The following RRP1 variants were observed in gnomAD, a reference collection of about 807,000 sequenced individuals.
RRP1 encodes the protein ribosomal RNA processing protein 1 homolog A.
A neutral mutation model predicts 54.6 loss-of-function variants in RRP1; 37 were observed. The ratio of observed to expected loss-of-function variants is 0.68; its 90% CI spans 0.52 to 0.89. The LOEUF (loss-of-function observed/expected upper bound fraction) is 0.89. Among genes scored for constraint, RRP1 ranks in the 40% least tolerant of loss-of-function variants. The pLI is 0.00. For missense variants in RRP1, 639 were observed against 612.5 expected (o/e 1.04, Z -0.46); for synonymous variants, 262 against 244.3 (o/e 1.07, Z -0.67).
chr21:43,798,309 C>G (rs2085045653), intron 8 of RRP1, among the ~76,000 whole-genome samples: 2 of 152,166 alleles, frequency 1.3e-5, no homozygotes, highest in Non-Finnish European at 2.9e-5. Context: ...CTGATGTGCT[C>G]CACGCCCTCT....
At chr21:43,790,123 T>A (rs905686982) in intron 1 of RRP1, among the ~76,000 whole-genome samples, 1 of 152,218 alleles carries the variant, frequency 6.6e-6, no homozygotes, top group African/African-American at 2.4e-5. Flanking sequence ...CAGTTTTCTG[T>A]TTTGCGTTAA....
At chr21:43,791,756 G>A (rs1048527861) in intron 2 of RRP1, among the ~76,000 whole-genome samples, 6 of 152,026 alleles carry the variant, frequency 3.9e-5, no homozygotes, top group Non-Finnish European at 7.4e-5. Context: ...CTCCCATCTC[G>A]GCCTCCCAAA....
At position 43,797,484 on chromosome 21, in the gene RRP1, C is replaced by A; in HGVS notation, c.485C>A (p.Pro162His). The A allele has an allele frequency of 6.2e-7, 1 of 1,613,944 alleles. No homozygotes were observed. The highest frequency in any genetic ancestry group is 8.5e-7 in the Non-Finnish European group (1 of 1,180,016). Residue 162 changes from proline (P) to histidine (H), a missense_variant, in exon 6 of 13, where the codon CCC (proline) becomes CAC (histidine). Coordinates refer to ENST00000497547, the MANE Select transcript of RRP1 (RefSeq NM_003683.6). ...TEILHPSSQA[P>H]NGVKSHFIEI... Reference sequence around the variant, plus strand: ...ATCCTGCACCCCAGCAGCCAGGCCCCCAACGGTGTGAAGAGCCACTTCATC... The same window carrying A: ...ATCCTGCACCCCAGCAGCCAGGCCCACAACGGTGTGAAGAGCCACTTCATC...
chr21:43,796,135 GT>G (rs955861028), intron 5 of RRP1, among the ~76,000 whole-genome samples: 43 of 144,514 alleles, frequency 3.0e-4, no homozygotes, highest in Admixed American at 5.5e-4. Flanking sequence ...CTGGTTTTTT[GT>G]TTTTTTTTTT....
At position 43,803,622 on chromosome 21, in the gene RRP1, A is replaced by G. The variant is rs749405960; in HGVS notation, c.1234A>G (p.Thr412Ala). The G allele has an allele frequency of 2.6e-6, 4 of 1,551,070 alleles. No individual in the cohort carries two copies. Among genetic ancestry groups the G allele is most frequent in the Non-Finnish European group, 3.5e-6 (4 of 1,147,816 alleles). ...GGCAGAGGCTGGTGAGCAGCCAGGC[A>G]CAGCTGAGCGGGCCCTGCTCCGAGA... is the stretch of plus-strand genomic sequence containing the variant. The part of the protein sequence containing the change: ...ARAEAGEQPG[T>A]AERALLRDQP... The change falls in exon 13 of 13, where the codon ACA becomes GCA. Residue 412 changes from threonine to alanine, a missense_variant. Physicochemically the swap from Thr to Ala is moderately conservative, Grantham distance 58. Coordinates refer to ENST00000497547, the MANE Select transcript of RRP1 (RefSeq NM_003683.6).
chr21:43,798,954 C>T (rs2085053658), intron 8 of RRP1, among the ~76,000 whole-genome samples: 1 of 151,502 alleles, frequency 6.6e-6, no homozygotes, highest in Admixed American at 6.6e-5. Flanking sequence ...ATGCTTCTCC[C>T]TGGTCTCTGC....
rs369010362 is a variant in RRP1, at chr21:43,796,777, G to A, written c.423-645G>A. Among the ~76,000 whole-genome samples, 7 of 152,302 alleles carry A rather than the reference G, an allele frequency of 4.6e-5. No individual in the cohort carries two copies. The South Asian group carries it at 6.2e-4, about 14-fold the overall frequency. ...TTACAGATCTGAGTTAGGCAGCTGC[G>A]TTATTAAGCACCCCAGGAGGTCCAG... On this transcript the variant is annotated intron_variant, in intron 5 of 12. Coordinates refer to ENST00000497547, the MANE Select transcript of RRP1 (RefSeq NM_003683.6).
At chr21:43,801,418 T>TCA (rs2085089410) in intron 11 of RRP1, among the ~76,000 whole-genome samples, 1 of 152,238 alleles carries the variant, frequency 6.6e-6, no homozygotes, top group Non-Finnish European at 1.5e-5. Context: ...TATCCCAGCA[T>TCA]CACACCCCTG....
In RRP1 at chr21:43,802,090, G is replaced by T. The variant is rs1383334166; in HGVS notation, c.1010-184G>T. ...AACTGGCTTTTCCAGATGGGCTTGG[G>T]TCTCAGCTGGTTCGTTTCAGCTGTG... is the stretch of plus-strand genomic sequence containing the variant. On this transcript the variant is annotated intron_variant, in intron 11 of 12. Coordinates refer to ENST00000497547, the MANE Select transcript of RRP1 (RefSeq NM_003683.6). 2.0e-5 allele frequency among the ~76,000 whole-genome samples: 3 copies of T among 152,154 alleles called. No homozygotes were observed. In the East Asian group the frequency reaches 5.8e-4, roughly 29 times the overall value.
intron 2 of RRP1, 41 bp downstream of exon 2, chr21:43,791,473 G>T: frequency 6.3e-7 from 1 of 1,581,934 alleles, no homozygotes; most frequent in Non-Finnish European, 8.7e-7. Context: ...GAAGCAGCGG[G>T]GGAGGATGGA....
chr21:43,791,493 G>A, intron 2 of RRP1, 61 bp downstream of exon 2: 2 of 1,480,542 alleles, frequency 1.4e-6, no homozygotes, highest in South Asian at 2.3e-5. Flanking sequence ...ATGGGCATCT[G>A]GTCAACCCAG....
intron 12 of RRP1, among the ~76,000 whole-genome samples, chr21:43,802,826 C>T (rs1046880382): frequency 7.9e-5 from 12 of 152,270 alleles, no homozygotes; most frequent in African/African-American, 2.9e-4. Flanking sequence ...TGTTGGGCCT[C>T]TGGCCACACG....
At chr21:43,796,316 T>C (rs1304762215) in intron 5 of RRP1, among the ~76,000 whole-genome samples, 1 of 152,208 alleles carries the variant, frequency 6.6e-6, no homozygotes, top group Non-Finnish European at 1.5e-5. Flanking sequence ...GGCCTTAGCA[T>C]TGTGGATTAC....
intron 5 of RRP1, 192 bp from the exon 6 acceptor site, chr21:43,797,230 C>T (rs1488573011): frequency 1.2e-6 from 1 of 852,214 alleles, no homozygotes; most frequent in Non-Finnish European, 1.7e-6. Flanking sequence ...AACTGCAAGA[C>T]TGCCTTGCGC....
At chr21:43,799,687 T>C in intron 9 of RRP1, 38 bp downstream of exon 9, 1 of 1,560,412 alleles carries the variant, frequency 6.4e-7, no homozygotes, top group South Asian at 1.2e-5. Flanking sequence ...CCTCAGCCTT[T>C]GCCCCTCTGT....
chr21:43,797,274 G>A (rs1421105341), intron 5 of RRP1, 148 bp from the exon 6 acceptor site: 6 of 1,352,228 alleles, frequency 4.4e-6, no homozygotes, highest in South Asian at 1.5e-5. Flanking sequence ...TATCATCTGC[G>A]TGGACTTTAA....
At chr21:43,802,772 T>C (rs1038013676) in intron 12 of RRP1, among the ~76,000 whole-genome samples, 2 of 152,370 alleles carry the variant, frequency 1.3e-5, no homozygotes, top group Middle Eastern at 3.4e-3. Context: ...TTCCCTCCAC[T>C]TCTTCCCTCC....
chr21:43,793,268 G>T (rs767926102), intron 3 of RRP1, 51 bp from the exon 4 acceptor site: 8 of 1,544,404 alleles, frequency 5.2e-6, no homozygotes, highest in Non-Finnish European at 7.2e-6. Context: ...TCCCTCCCCA[G>T]AGTGGCTTCG....
intron 1 of RRP1, chr21:43,790,523 A>G (rs1297600431): frequency 6.3e-6 from 1 of 157,504 alleles, no homozygotes; most frequent in Admixed American, 6.2e-5. Context: ...CTGCTGCAGG[A>G]ACAGGTTGCC....
Sources: allele counts gnomAD v4.1 joint callset (sites outside exome capture counted in the v4.1 genomes callset), GRCh38; gene constraint gnomAD v4.1.1; transcripts MANE v1.5; gene names NCBI Gene and HGNC (gene_info 2026-07-23, HGNC 2026-07-21).